The following CAMK4 variants were observed in gnomAD, a reference collection of about 807,000 sequenced individuals.
CAMK4 encodes the protein calcium/calmodulin dependent protein kinase IV, also known as calcium/calmodulin-dependent protein kinase type IV.
In CAMK4, 22 loss-of-function variants were observed where a neutral mutation model predicts 44.9. That is an observed-to-expected ratio of 0.49 (90% CI 0.35 to 0.70). The LOEUF is 0.70. Ranked by LOEUF, CAMK4 falls within the 30% of genes least tolerant of loss-of-function variation. The pLI is 0.01. For missense variants in CAMK4, 498 were observed against 586.8 expected (o/e 0.85, Z 1.56); for synonymous variants, 218 against 215.4 (o/e 1.01, Z -0.11).
At chr5:111,447,119 C>T (rs1451384235) in intron 6 of CAMK4, among the ~76,000 whole-genome samples, 2 of 152,156 alleles carry the variant, frequency 1.3e-5, no homozygotes, top group Admixed American at 1.3e-4. Context: ...GAGATATTAA[C>T]TTTTATTCCA....
At chr5:111,415,851 A>G (rs1752796437) in intron 5 of CAMK4, among the ~76,000 whole-genome samples, 1 of 152,218 alleles carries the variant, frequency 6.6e-6, no homozygotes, top group South Asian at 2.1e-4. Context: ...AAATAAATAA[A>G]AAACAATGCA....
intron 1 of CAMK4, among the ~76,000 whole-genome samples, chr5:111,263,711 G>C (rs1045106968): frequency 2.0e-5 from 3 of 152,124 alleles, no homozygotes; most frequent in African/African-American, 7.2e-5. Context: ...TAGCTTTCCA[G>C]TATGCTCAGA....
At chr5:111,410,688 T>C (rs1034692887) in intron 5 of CAMK4, among the ~76,000 whole-genome samples, 5 of 152,184 alleles carry the variant, frequency 3.3e-5, no homozygotes, top group African/African-American at 1.2e-4. Flanking sequence ...ATGATGTCTT[T>C]GACCCATAAA....
At chr5:111,272,734 C>T (rs985263358) in intron 1 of CAMK4, among the ~76,000 whole-genome samples, 15 of 151,976 alleles carry the variant, frequency 9.9e-5, no homozygotes, top group African/African-American at 1.2e-4. Context: ...TGAGAATAGA[C>T]GCTTTGATAG....
chr5:111,247,432 GATAC>G (rs1182478240), intron 1 of CAMK4, among the ~76,000 whole-genome samples: 1 of 146,772 alleles, frequency 6.8e-6, no homozygotes, highest in African/African-American at 2.5e-5. Flanking sequence ...TATACTTATA[GATAC>G]ATAAATTTAT....
intron 7 of CAMK4, among the ~76,000 whole-genome samples, chr5:111,456,528 C>T (rs929445054): frequency 6.6e-6 from 1 of 151,724 alleles, no homozygotes; most frequent in African/African-American, 2.4e-5. Context: ...AAATTTCCCC[C>T]TAAGATTTAA....
intron 1 of CAMK4, among the ~76,000 whole-genome samples, chr5:111,310,352 T>C (rs1748147373): frequency 6.6e-6 from 1 of 152,206 alleles, no homozygotes; most frequent in Admixed American, 6.5e-5. Flanking sequence ...TAAAGATAAA[T>C]GATATTGTGC....
chr5:111,312,546 G>A (rs1748252085), intron 1 of CAMK4, among the ~76,000 whole-genome samples: 2 of 152,108 alleles, frequency 1.3e-5, no homozygotes, highest in Non-Finnish European at 2.9e-5. Context: ...TAGGATTCCA[G>A]CAGACTCAGT....
intron 2 of CAMK4, among the ~76,000 whole-genome samples, chr5:111,360,421 A>AT (rs1382098946): frequency 6.6e-6 from 1 of 152,046 alleles, no homozygotes; most frequent in Non-Finnish European, 1.5e-5. Flanking sequence ...CTAGGGACAG[A>AT]TCATGTGCTC....
At chr5:111,376,735 A>C (rs758784884) in intron 3 of CAMK4, 125 bp from the exon 4 acceptor site, 3 of 476,988 alleles carry the variant, frequency 6.3e-6, no homozygotes, top group Non-Finnish European at 7.4e-6. Flanking sequence ...AGAATGAGGA[A>C]ACTTTATTAA....
rs1750484627 is a variant in CAMK4 at position 111,270,946 on chromosome 5, T to C, written c.161+46302T>C. ...GGAAGCCTCCGGAAACTTACAATCA[T>C]GGCAGAAGGGGAAACTGGCACCTTC... is the stretch of plus-strand genomic sequence containing the variant. On this transcript the variant is annotated intron_variant, in intron 1 of 10. Coordinates refer to ENST00000282356, the MANE Select transcript of CAMK4 (RefSeq NM_001744.6). Among the ~76,000 whole-genome samples, 5 of 152,172 alleles carry C rather than the reference T, an allele frequency of 3.3e-5. No homozygotes were observed. The South Asian group carries it at 1.0e-3, about 32-fold the overall frequency.
chr5:111,273,116 T>A (rs948206138), intron 1 of CAMK4, among the ~76,000 whole-genome samples: 3 of 152,162 alleles, frequency 2.0e-5, no homozygotes, highest in Admixed American at 2.0e-4. Context: ...TGTCAAAAAT[T>A]ATACAACTGT....
At chr5:111,421,030 G>T (rs2112917140) in intron 5 of CAMK4, among the ~76,000 whole-genome samples, 1 of 152,312 alleles carries the variant, frequency 6.6e-6, no homozygotes, top group East Asian at 1.9e-4. Flanking sequence ...GAAGTGATAA[G>T]TGTCCATGAA....
intron 5 of CAMK4, among the ~76,000 whole-genome samples, chr5:111,426,115 A>G (rs1247710815): frequency 6.6e-6 from 1 of 152,126 alleles, no homozygotes; most frequent in Non-Finnish European, 1.5e-5. Context: ...AAATCTAAGT[A>G]GGTTATTTTC....
chr5:111,348,155 A>G (rs1749943683), intron 2 of CAMK4, among the ~76,000 whole-genome samples: 1 of 152,056 alleles, frequency 6.6e-6, no homozygotes, highest in Admixed American at 6.6e-5. Flanking sequence ...TTTTGCGGCA[A>G]TATGAAGGTC....
intron 1 of CAMK4, among the ~76,000 whole-genome samples, chr5:111,241,142 T>A (rs999822870): frequency 6.6e-6 from 1 of 151,930 alleles, no homozygotes; most frequent in African/African-American, 2.4e-5. Context: ...TTTTTTTTAC[T>A]ATTAACTAAA....
rs79240517 is a variant in CAMK4 at position 111,350,490 on chromosome 5, T to C, written c.240+6388T>C. Among the ~76,000 whole-genome samples the C allele has an allele frequency of 5.5e-3, 835 of 152,140 alleles. 8 individuals carry two copies. Among genetic ancestry groups the C allele is most frequent in the African/African-American group, 0.02 (810 of 41,532 alleles). On this transcript the variant is annotated intron_variant, in intron 2 of 10. Coordinates refer to ENST00000282356, the MANE Select transcript of CAMK4 (RefSeq NM_001744.6). ...CAATAAAATGTAATGTGGCACACAA[T>C]AAGGATTTCCCATCCTGTGACCTTC... is the stretch of plus-strand genomic sequence containing the variant.
chr5:111,225,154 G>A (rs1397825000), intron 1 of CAMK4, among the ~76,000 whole-genome samples: 1 of 152,232 alleles, frequency 6.6e-6, no homozygotes. Context: ...CTGCTCAGGA[G>A]TGAAGGGAGA....
chr5:111,302,387 C>CGT (rs1561396338), intron 1 of CAMK4: 1 of 147,096 alleles, frequency 6.8e-6, no homozygotes, highest in Non-Finnish European at 1.5e-5. Flanking sequence ...AGTGTGTGTG[C>CGT]GCACCGTGCG....
Sources: gnomAD v4.1 joint callset for allele counts (sites outside exome capture counted in the v4.1 genomes callset) on GRCh38, gnomAD v4.1.1 for gene constraint, MANE v1.5 for transcripts, NCBI Gene and HGNC (gene_info 2026-07-23, HGNC 2026-07-21) for gene names.